The following ERO1B variants were observed in gnomAD, a reference collection of about 807,000 sequenced individuals.
ERO1B encodes the protein endoplasmic reticulum oxidoreductase 1 beta.
In ERO1B, 49 loss-of-function variants were observed where a neutral mutation model predicts 75.3. The ratio of observed to expected loss-of-function variants is 0.65; its 90% CI spans 0.52 to 0.83. The LOEUF (loss-of-function observed/expected upper bound fraction) is 0.83. ERO1B is among the 40% of genes least tolerant of loss of function. ERO1B has a pLI of 0.00. For synonymous variants in ERO1B, 191 were observed against 192.9 expected (o/e 0.99, Z 0.08); for missense variants, 512 against 560.1 (o/e 0.91, Z 0.87).
At chr1:236,240,214 C>T (rs539934706) in intron 6 of ERO1B, among the ~76,000 whole-genome samples, 10 of 151,804 alleles carry the variant, frequency 6.6e-5, no homozygotes, top group East Asian at 1.9e-4. Flanking sequence ...CTTAAGTATA[C>T]GATTTTTTTC....
chr1:236,223,687 C>T (rs1444081344), intron 13 of ERO1B, among the ~76,000 whole-genome samples: 1 of 152,168 alleles, frequency 6.6e-6, no homozygotes, highest in African/African-American at 2.4e-5. Context: ...CTTAGTCTCA[C>T]TTTCCTCATC....
chr1:236,281,662 C>A lies in ERO1B; in HGVS notation c.102+20G>T. On this transcript the variant is annotated intron_variant, in intron 1 of 15. Transcript: ENST00000354619. Reference sequence around the variant, plus strand: ...GGGTGTTCGGCCGGGGGTTCCCGGCCCGCTATCACTCGGGCTTACCTGCGC... The same window carrying A: ...GGGTGTTCGGCCGGGGGTTCCCGGCACGCTATCACTCGGGCTTACCTGCGC... 7.1e-7 allele frequency: 1 copy of A among 1,403,084 alleles called. No individual in the cohort carries two copies. Among genetic ancestry groups the A allele is most frequent in the South Asian group, 1.4e-5 (1 of 71,130 alleles). 86.9% of individuals were successfully genotyped at this position (1,403,084 alleles called of 1,614,324 possible).
At position 236,270,241 on chromosome 1, in the gene ERO1B, T is replaced by C. The variant is rs550848106; in HGVS notation, c.103-247A>G. Among the ~76,000 whole-genome samples the C allele has an allele frequency of 1.2e-4, 19 of 152,314 alleles. No homozygotes were observed. In the East Asian group the frequency reaches 3.3e-3, roughly 26 times the overall value. On this transcript the variant is annotated intron_variant, in intron 1 of 15. Coordinates refer to ENST00000354619, the MANE Select transcript of ERO1B (RefSeq NM_019891.4). ...TTGAAGAGTATTGAATTCTCCTTCCTCTACTTAAACATATATGAAATCCAA... is the reference window on the plus strand; with the variant it reads ...TTGAAGAGTATTGAATTCTCCTTCCCCTACTTAAACATATATGAAATCCAA...
chr1:236,255,311 G>A (rs573967501), intron 2 of ERO1B, among the ~76,000 whole-genome samples: 114 of 152,046 alleles, frequency 7.5e-4, no homozygotes, highest in African/African-American at 2.4e-3. Flanking sequence ...CTCTTTCGCC[G>A]CATTCAAGTC....
intron 2 of ERO1B, among the ~76,000 whole-genome samples, chr1:236,263,110 C>G (rs1276677646): frequency 6.6e-6 from 1 of 152,152 alleles, no homozygotes; most frequent in Non-Finnish European, 1.5e-5. Flanking sequence ...CCCTGCCTTC[C>G]CCAAACTGTT....
intron 2 of ERO1B, among the ~76,000 whole-genome samples, chr1:236,262,979 G>C (rs976227101): frequency 5.3e-5 from 8 of 152,226 alleles, no homozygotes; most frequent in African/African-American, 1.7e-4. Context: ...TACCTCTCGT[G>C]CCAAATGGGG....
intron 2 of ERO1B, among the ~76,000 whole-genome samples, chr1:236,264,372 G>A (rs540342269): frequency 5.9e-5 from 9 of 152,136 alleles, no homozygotes; most frequent in African/African-American, 1.2e-4. Context: ...GCCTCCCAGC[G>A]TGCCGGGATT....
At position 236,245,314 on chromosome 1, in the gene ERO1B, A is replaced by ACG. The variant is rs1311808023; in HGVS notation, c.432-1820_432-1819insCG. On this transcript the variant is annotated intron_variant, in intron 5 of 15. Transcript: ENST00000354619. ...CCAGTCAAAATATATATATATATAT[A>ACG]TATATATACACACACGTATATATAT... Among the ~76,000 whole-genome samples, 29 of 18,820 alleles carry ACG rather than the reference A, an allele frequency of 1.5e-3. 4 individuals are homozygous for ACG. Among genetic ancestry groups the ACG allele is most frequent in the South Asian group, 7.5e-3 (3 of 398 alleles). The allele number at this position is 18,820 out of a possible 152,430, so 12.3% of individuals were successfully genotyped here. A position where few individuals can be genotyped will look rare whatever the true frequency, so the allele number is the denominator to read the frequency against.
intron 1 of ERO1B, among the ~76,000 whole-genome samples, chr1:236,277,406 GAA>G (rs1385146361): frequency 1.9e-4 from 22 of 116,824 alleles, no homozygotes; most frequent in Admixed American, 3.5e-4. Flanking sequence ...TCTACTCCAG[GAA>G]AAAAAAAAAA....
chr1:236,223,526 AC>A (rs1415065994), intron 13 of ERO1B, among the ~76,000 whole-genome samples: 5 of 152,056 alleles, frequency 3.3e-5, no homozygotes, highest in African/African-American at 1.2e-4. Context: ...GAACACAAAA[AC>A]TCCTGTGCTG....
intron 9 of ERO1B, among the ~76,000 whole-genome samples, chr1:236,230,945 T>G (rs1664393947): frequency 1.3e-5 from 2 of 150,438 alleles, no homozygotes. Context: ...AAAAAAAAAG[T>G]ATATAAATCT....
At chr1:236,268,020 T>C (rs942361246) in intron 2 of ERO1B, 1 of 151,832 alleles carries the variant, frequency 6.6e-6, no homozygotes, top group African/African-American at 2.4e-5. Context: ...ATGCCTAGAG[T>C]AACAGACACT....
At chr1:236,232,152 T>C (rs1359768122) in intron 9 of ERO1B, among the ~76,000 whole-genome samples, 2 of 152,206 alleles carry the variant, frequency 1.3e-5, no homozygotes, top group East Asian at 1.9e-4. Flanking sequence ...TAAGGAGCTA[T>C]ATATATCACC....
intron 2 of ERO1B, among the ~76,000 whole-genome samples, chr1:236,255,100 TTC>T (rs146429176): frequency 0.24 from 35,645 of 150,118 alleles, 4,344 homozygotes; most frequent in East Asian, 0.38. Context: ...TTTTTTTTCT[TTC>T]TTTTTTTTTT....
intron 5 of ERO1B, among the ~76,000 whole-genome samples, chr1:236,245,037 G>C (rs1664807339): frequency 6.6e-6 from 1 of 151,660 alleles, no homozygotes; most frequent in African/African-American, 2.4e-5. Flanking sequence ...CTGCACCCAG[G>C]CTGGAGTGCA....
At chr1:236,267,941 A>G (rs917331404) in intron 2 of ERO1B, 3 of 151,884 alleles carry the variant, frequency 2.0e-5, no homozygotes, top group African/African-American at 7.3e-5. Flanking sequence ...GCAGTACTTC[A>G]GGAACGGTGC....
Position 236,226,294 on chromosome 1 carries a change from G to T in ERO1B, c.1027C>A (p.Leu343Ile). Residue 343 changes from leucine (L) to isoleucine (I), a missense_variant, in exon 12 of 16, where the codon CTA becomes ATA. Leu to Ile is a conservative substitution (Grantham distance 5, BLOSUM62 2). Coordinates refer to ENST00000354619, the MANE Select transcript of ERO1B (RefSeq NM_019891.4). ...TTTGTATCTTGAAAGATATTCAGTA[G>T]AAGAGTTTTTGTGTCAGCATCTTCT... ...AEEDADTKTL[L>I]LNIFQDTKSF... The T allele has an allele frequency of 6.2e-7, 1 of 1,613,970 alleles. No homozygotes were observed. Among genetic ancestry groups the T allele is most frequent in the Non-Finnish European group, 8.5e-7 (1 of 1,179,928 alleles).
intron 8 of ERO1B, among the ~76,000 whole-genome samples, chr1:236,233,501 A>T (rs567874174): frequency 7.2e-4 from 108 of 149,980 alleles, no homozygotes; most frequent in African/African-American, 2.6e-3. Flanking sequence ...CAGGAGGCTG[A>T]GGCAGAGAAC....
At chr1:236,239,031 C>A (rs1201412698) in intron 6 of ERO1B, among the ~76,000 whole-genome samples, 1 of 152,128 alleles carries the variant, frequency 6.6e-6, no homozygotes. Flanking sequence ...AGCAAGCCTC[C>A]TGCCTCAGCC....
Sources: gnomAD v4.1 joint callset for allele counts (sites outside exome capture counted in the v4.1 genomes callset) on GRCh38, gnomAD v4.1.1 for gene constraint, MANE v1.5 for transcripts, NCBI Gene and HGNC (gene_info 2026-07-23, HGNC 2026-07-21) for gene names.